UFL1: variants seen among roughly 807,000 people sequenced by gnomAD.
The protein encoded by UFL1 is UFM1 specific ligase 1.
In UFL1, 78 loss-of-function variants were observed where a neutral mutation model predicts 99.3. That is an observed-to-expected ratio of 0.79 (90% CI 0.65 to 0.95). The LOEUF is 0.95. Ranked by LOEUF, UFL1 falls within the 40% of genes least tolerant of loss-of-function variation. The probability of loss-of-function intolerance (pLI) is 0.00; values close to 1 mark genes in which losing one functional copy is unlikely to be tolerated. For missense variants in UFL1, 936 were observed against 937.0 expected, an observed-to-expected ratio of 1.00 and a Z score of 0.01; for synonymous variants, 335 against 322.2, an observed-to-expected ratio of 1.04 and a Z score of -0.42.
intron 13 of UFL1, among the ~76,000 whole-genome samples, chr6:96,548,842 C>T (rs1431845993): frequency 2.0e-5 from 3 of 151,568 alleles, no homozygotes; most frequent in East Asian, 3.9e-4. Context: ...TCACTGTGTA[C>T]GCTTTCATAA....
At position 96,542,985 on chromosome 6, in the gene UFL1, T is replaced by C. The variant is rs773635781; in HGVS notation, c.1371T>C (p.Asp457=). Residue 457 remains aspartate, a synonymous_variant, in exon 12 of 19, where the codon GAT becomes GAC. Coordinates refer to ENST00000369278, the MANE Select transcript of UFL1 (RefSeq NM_015323.5). ...AGAAGAAAGGAAGAAAAGATGATGA[T>C]AGTGATGATGAATCTCAATCATCCC... ...KVKKKGRKDD[D]SDDESQSSHT... 1.3e-5 allele frequency: 21 copies of C among 1,598,230 alleles called. No homozygotes were observed. Among genetic ancestry groups the C allele is most frequent in the Non-Finnish European group, 1.8e-5 (21 of 1,171,794 alleles).
At position 96,554,405 on chromosome 6, in the gene UFL1, T is replaced by C. The variant is rs968715165; in HGVS notation, c.*902T>C. The C allele has an allele frequency of 6.6e-6, 1 of 152,132 alleles. No individual in the cohort carries two copies. The highest frequency in any genetic ancestry group is 2.4e-5 in the African/African-American group (1 of 41,446). The allele number at this position is 152,132 out of a possible 1,614,324, so 9.4% of individuals were successfully genotyped here. On this transcript the variant is annotated 3_prime_UTR_variant, in exon 19 of 19. Transcript: ENST00000369278. ...AGTGGTAGGAGCATCTGTAAGTGCA[T>C]TTAAATCATTAGAAGCTTTTTTCCA...
intron 12 of UFL1, among the ~76,000 whole-genome samples, chr6:96,546,367 T>C (rs1447872504): frequency 6.7e-6 from 1 of 150,268 alleles, no homozygotes; most frequent in African/African-American, 2.4e-5. Context: ...AAATCGTAGA[T>C]GACACAAACA....
chr6:96,530,599 T>C (rs901423802), intron 6 of UFL1, among the ~76,000 whole-genome samples: 2 of 152,208 alleles, frequency 1.3e-5, no homozygotes, highest in Non-Finnish European at 2.9e-5. Context: ...GATTATAATC[T>C]GCTGTCATTA....
chr6:96,545,475 A>G (rs1264039966), intron 12 of UFL1, among the ~76,000 whole-genome samples: 2 of 150,752 alleles, frequency 1.3e-5, no homozygotes, highest in Non-Finnish European at 3.0e-5. Flanking sequence ...ATTTTTTTTT[A>G]ATCTATGCCT....
intron 15 of UFL1, among the ~76,000 whole-genome samples, chr6:96,550,511 G>A (rs1582446844): frequency 6.6e-6 from 1 of 152,000 alleles, no homozygotes. Flanking sequence ...TCTGATGTTT[G>A]TGGTCTTTGG....
At chr6:96,535,580 A>T (rs1293245324) in intron 7 of UFL1, among the ~76,000 whole-genome samples, 1 of 151,972 alleles carries the variant, frequency 6.6e-6, no homozygotes, top group African/African-American at 2.4e-5. Context: ...TCCCCATTTC[A>T]CAGATACGGA....
intron 12 of UFL1, among the ~76,000 whole-genome samples, chr6:96,545,604 ATT>A (rs1356260860): frequency 6.6e-6 from 1 of 151,048 alleles, no homozygotes; most frequent in Non-Finnish European, 1.5e-5. Context: ...ATAAATTTAT[ATT>A]TTTATAAAGG....
intron 10 of UFL1, among the ~76,000 whole-genome samples, chr6:96,539,918 A>G (rs529214579): frequency 3.3e-5 from 5 of 151,728 alleles, no homozygotes; most frequent in Admixed American, 6.6e-5. Flanking sequence ...AGGAAATAAT[A>G]TTACTTTTAT....
At chr6:96,543,093 G>A in intron 12 of UFL1, 77 bp downstream of exon 12, 1 of 1,477,028 alleles carries the variant, frequency 6.8e-7, no homozygotes, top group South Asian at 1.4e-5. Flanking sequence ...TATATAATTA[G>A]GTATATATGC....
chr6:96,537,294 A>G (rs922231939), intron 8 of UFL1, 80 bp from the exon 9 acceptor site: 47 of 1,298,338 alleles, frequency 3.6e-5, no homozygotes, highest in Non-Finnish European at 4.7e-5. Context: ...TTTATTGGCT[A>G]TAACTTTTAA....
intron 12 of UFL1, among the ~76,000 whole-genome samples, chr6:96,543,875 C>G (rs1727313870): frequency 6.6e-6 from 1 of 151,116 alleles, no homozygotes; most frequent in Non-Finnish European, 1.5e-5. Flanking sequence ...AAAACACTTT[C>G]ATTCTCCATG....
intron 6 of UFL1, among the ~76,000 whole-genome samples, chr6:96,530,363 C>T (rs1489992186): frequency 6.6e-6 from 1 of 152,106 alleles, no homozygotes. Context: ...TCAGAAATAA[C>T]ACTATATTCT....
rs1049211243 is a variant in UFL1 at position 96,554,495 on chromosome 6, A to G, written c.*992A>G. On this transcript the variant is annotated 3_prime_UTR_variant, in exon 19 of 19. Coordinates refer to ENST00000369278, the MANE Select transcript of UFL1 (RefSeq NM_015323.5). Reference sequence around the variant, plus strand: ...AAAGATTATTAGTTAAAAATAACTAAAAGAGTTCCTTAGAGTAATCATTTC... The same window carrying G: ...AAAGATTATTAGTTAAAAATAACTAGAAGAGTTCCTTAGAGTAATCATTTC... 2.6e-5 allele frequency: 4 copies of G among 152,102 alleles called. No individual in the cohort carries two copies. The highest frequency in any genetic ancestry group is 7.2e-5 in the African/African-American group (3 of 41,460). The allele number at this position is 152,102 out of a possible 1,614,324, so 9.4% of individuals were successfully genotyped here.
At chr6:96,541,708 A>AT (rs1769934020) in intron 11 of UFL1, among the ~76,000 whole-genome samples, 2 of 151,378 alleles carry the variant, frequency 1.3e-5, no homozygotes, top group East Asian at 3.9e-4. Context: ...TTGATGACTT[A>AT]TGTCAGTATA....
chr6:96,523,984 T>C (rs185217595), intron 2 of UFL1, among the ~76,000 whole-genome samples: 2 of 152,264 alleles, frequency 1.3e-5, no homozygotes, highest in African/African-American at 2.4e-5. Context: ...GATTTTCTTA[T>C]GCTGATATGT....
At chr6:96,543,788 A>G (rs1179443214) in intron 12 of UFL1, among the ~76,000 whole-genome samples, 1 of 151,120 alleles carries the variant, frequency 6.6e-6, no homozygotes, top group East Asian at 1.9e-4. Context: ...TACTTGGTCC[A>G]TACTGCAAGT....
chr6:96,535,472 T>G (rs911138836), intron 7 of UFL1, among the ~76,000 whole-genome samples: 1 of 152,000 alleles, frequency 6.6e-6, no homozygotes, highest in Admixed American at 6.6e-5. Flanking sequence ...GGTAGTGATA[T>G]TTAGTTAGTA....
rs1267526321 is a variant in UFL1 at position 96,553,564 on chromosome 6, T to G, written c.*61T>G. ...TTCCCCCAAGGTTGAAGGTGAGTGGTCACAAAAAAGTAGTCACTATACAAC... is the reference window on the plus strand; with the variant it reads ...TTCCCCCAAGGTTGAAGGTGAGTGGGCACAAAAAAGTAGTCACTATACAAC... On this transcript the variant is annotated 3_prime_UTR_variant, in exon 19 of 19. Transcript: ENST00000369278. 2.1e-5 allele frequency: 31 copies of G among 1,498,930 alleles called. No homozygotes were observed. Among genetic ancestry groups the G allele is most frequent in the Non-Finnish European group, 2.8e-5 (31 of 1,104,690 alleles). 92.9% of individuals were successfully genotyped at this position (1,498,930 alleles called of 1,614,324 possible). A position where few individuals can be genotyped will look rare whatever the true frequency, so the allele number is the denominator to read the frequency against.
Sources: gnomAD v4.1 joint callset for allele counts (sites outside exome capture counted in the v4.1 genomes callset) on GRCh38, gnomAD v4.1.1 for gene constraint, MANE v1.5 for transcripts, NCBI Gene and HGNC (gene_info 2026-07-23, HGNC 2026-07-21) for gene names.